Variants in WDR41 observed in about 807,000 individuals in gnomAD.
The protein encoded by WDR41 is WD repeat-containing protein 41.
WDR41 carries 63 observed loss-of-function variants against 69.3 expected under a neutral mutation model. The observed-to-expected ratio is 0.91, with a 90% confidence interval of 0.74 to 1.12. The LOEUF (loss-of-function observed/expected upper bound fraction) is 1.12. WDR41 is among the 50% of genes most tolerant of loss of function. The pLI is 0.00. For missense variants in WDR41, 543 were observed against 534.5 expected (o/e 1.02, Z -0.16); for synonymous variants, 185 against 192.1 (o/e 0.96, Z 0.31).
chr5:77,484,830 T>G, intron 2 of WDR41, among the ~76,000 whole-genome samples: 1 of 152,208 alleles, frequency 6.6e-6, no homozygotes, highest in East Asian at 1.9e-4. Context: ...AGGAATATAG[T>G]TATCTGACTG....
At chr5:77,617,625 T>C (rs1397769791) in intron 1 of WDR41, among the ~76,000 whole-genome samples, 1 of 151,922 alleles carries the variant, frequency 6.6e-6, no homozygotes, top group Non-Finnish European at 1.5e-5. Context: ...AGAAGCAAAA[T>C]GCAAAACAAA....
intron 1 of WDR41, among the ~76,000 whole-genome samples, chr5:77,611,881 T>C (rs1378464358): frequency 1.3e-5 from 2 of 151,750 alleles, no homozygotes; most frequent in African/African-American, 4.8e-5. Context: ...TCAATAAAAT[T>C]GATAGACTGC....
chr5:77,586,772 G>A (rs2112300582), intron 1 of WDR41, among the ~76,000 whole-genome samples: 1 of 147,626 alleles, frequency 6.8e-6, no homozygotes, highest in African/African-American at 2.5e-5. Flanking sequence ...AGGCTGGAGA[G>A]CAGTGGTAGG....
intron 12 of WDR41, among the ~76,000 whole-genome samples, chr5:77,434,284 C>G (rs907398826): frequency 5.9e-5 from 9 of 152,068 alleles, no homozygotes; most frequent in Admixed American, 5.2e-4. Context: ...GTACTCCAAC[C>G]TGGGCAACAA....
chr5:77,481,551 C>A (rs1181681673), intron 2 of WDR41, among the ~76,000 whole-genome samples: 1 of 152,044 alleles, frequency 6.6e-6, no homozygotes, highest in African/African-American at 2.4e-5. Context: ...CTTTGGGAGG[C>A]CGAGGCAGGC....
intron 1 of WDR41, among the ~76,000 whole-genome samples, chr5:77,562,684 T>C (rs1038218616): frequency 2.6e-5 from 4 of 152,214 alleles, no homozygotes; most frequent in Admixed American, 6.5e-5. Flanking sequence ...TGCATCATAT[T>C]GGCTAGGCAT....
intron 2 of WDR41, among the ~76,000 whole-genome samples, chr5:77,476,247 C>A (rs1161546258): frequency 6.6e-6 from 1 of 152,116 alleles, no homozygotes; most frequent in Non-Finnish European, 1.5e-5. Context: ...GGAAAACACT[C>A]TGCAGGATAT....
chr5:77,594,080 C>T (rs1196247164), intron 1 of WDR41, among the ~76,000 whole-genome samples: 1 of 151,922 alleles, frequency 6.6e-6, no homozygotes, highest in Non-Finnish European at 1.5e-5. Flanking sequence ...TAAATCAAGT[C>T]ATTGAAAATA....
chr5:77,553,094 G>A (rs1017372333), intron 1 of WDR41, among the ~76,000 whole-genome samples: 1 of 152,182 alleles, frequency 6.6e-6, no homozygotes, highest in Non-Finnish European at 1.5e-5. Flanking sequence ...TAAAGAGGAT[G>A]AAAAGGAAAA....
At chr5:77,560,173 T>C (rs1446629073) in intron 1 of WDR41, among the ~76,000 whole-genome samples, 4 of 152,128 alleles carry the variant, frequency 2.6e-5, no homozygotes, top group African/African-American at 9.7e-5. Flanking sequence ...TAGAAAGATG[T>C]AGAATGGAAT....
rs751073944 is a variant in WDR41, at chr5:77,436,356, G to A, written c.1132C>T (p.Gln378Ter). ...TGCTTTTTAACAGGTTGGCTGGCTT[G>A]TTTGCTGACTCTTCCAAATCCCCAC... is the stretch of plus-strand genomic sequence containing the variant. ...NMWGFGRVSKQASQPVKKQQE... is the reference protein window; with the variant it reads ...NMWGFGRVSK Residue 378 changes from glutamine to a stop codon, truncating the protein, a stop_gained, in exon 12 of 13, where the codon CAA becomes TAA. Coordinates refer to ENST00000296679, the MANE Select transcript of WDR41 (RefSeq NM_018268.4). LOFTEE classifies it high-confidence loss of function. The A allele has an allele frequency of 1.2e-6, 2 of 1,614,030 alleles. No individual in the cohort carries two copies. The highest frequency in any genetic ancestry group is 2.2e-5 in the East Asian group (1 of 44,870).
At chr5:77,541,469 G>T in intron 1 of WDR41, among the ~76,000 whole-genome samples, 1 of 149,030 alleles carries the variant, frequency 6.7e-6, no homozygotes, top group African/African-American at 2.5e-5. Flanking sequence ...CTGCCAAGGA[G>T]ATGGAGTAAA....
intron 1 of WDR41, among the ~76,000 whole-genome samples, chr5:77,539,690 A>G (rs771002447): frequency 3.3e-5 from 5 of 152,242 alleles, no homozygotes; most frequent in Admixed American, 6.5e-5. Flanking sequence ...GAGGATAACA[A>G]ATAGTACCAA....
At chr5:77,557,608 T>C (rs750214740) in intron 1 of WDR41, among the ~76,000 whole-genome samples, 1 of 151,466 alleles carries the variant, frequency 6.6e-6, no homozygotes, top group African/African-American at 2.5e-5. Flanking sequence ...CTCATGGCAG[T>C]AGGAATCAGT....
chr5:77,562,007 A>G (rs1032359168), intron 1 of WDR41, among the ~76,000 whole-genome samples: 4 of 152,218 alleles, frequency 2.6e-5, no homozygotes, highest in Non-Finnish European at 5.9e-5. Flanking sequence ...TTTCACTGCT[A>G]TGGATTACTC....
chr5:77,446,296 A>G (rs1477766370), intron 8 of WDR41, among the ~76,000 whole-genome samples: 1 of 152,218 alleles, frequency 6.6e-6, no homozygotes, highest in Non-Finnish European at 1.5e-5. Context: ...ATGGAAAAAC[A>G]TTTCATCCTC....
chr5:77,473,688 G>T (rs937895474), intron 2 of WDR41, among the ~76,000 whole-genome samples: 1 of 152,192 alleles, frequency 6.6e-6, no homozygotes, highest in East Asian at 1.9e-4. Context: ...AAAGACACAT[G>T]AGAAAATGCG....
chr5:77,512,745 CA>C (rs71606301), intron 1 of WDR41, among the ~76,000 whole-genome samples: 6,635 of 74,050 alleles, frequency 0.09, 236 homozygotes, highest in South Asian at 0.2. Context: ...GACTCCATCT[CA>C]AAAAAAAAAA....
chr5:77,561,254 A>C (rs1467790220), intron 1 of WDR41, among the ~76,000 whole-genome samples: 1 of 152,170 alleles, frequency 6.6e-6, no homozygotes, highest in Non-Finnish European at 1.5e-5. Flanking sequence ...TTACTATGCT[A>C]GTTCAATTAT....
Sources: gnomAD v4.1 joint callset for allele counts (sites outside exome capture counted in the v4.1 genomes callset) on GRCh38, gnomAD v4.1.1 for gene constraint, MANE v1.5 for transcripts, NCBI Gene and HGNC (gene_info 2026-07-23, HGNC 2026-07-21) for gene names.